The following KPNA3 variants were observed in gnomAD, a reference collection of about 807,000 sequenced individuals.
KPNA3 encodes the protein karyopherin subunit alpha 3.
KPNA3 carries 13 observed loss-of-function variants against 73.8 expected under a neutral mutation model. The observed-to-expected ratio is 0.18, with a 90% CI of 0.11 to 0.28. KPNA3 has a LOEUF of 0.28. Ranked by LOEUF, KPNA3 falls within the 10% of genes least tolerant of loss-of-function variation. The pLI is 1.00. For missense variants in KPNA3, 360 were observed against 618.1 expected, an observed-to-expected ratio of 0.58 and a Z score of 4.43; for synonymous variants, 186 against 206.9, an observed-to-expected ratio of 0.90 and a Z score of 0.87.
At chr13:49,788,669 CCGAGA>C (rs1471363148) in intron 1 of KPNA3, among the ~76,000 whole-genome samples, 3 of 150,110 alleles carry the variant, frequency 2.0e-5, no homozygotes, top group African/African-American at 7.4e-5. Flanking sequence ...TTATAGTGAG[CCGAGA>C]TTGGGCCACT....
intron 1 of KPNA3, among the ~76,000 whole-genome samples, chr13:49,768,939 A>C (rs1954831658): frequency 6.6e-6 from 1 of 152,132 alleles, no homozygotes; most frequent in South Asian, 2.1e-4. Context: ...ATTTCATGCA[A>C]ATAAGGTTGT....
intron 1 of KPNA3, among the ~76,000 whole-genome samples, chr13:49,756,114 CA>C (rs951977116): frequency 3.9e-4 from 59 of 151,202 alleles, no homozygotes; most frequent in African/African-American, 1.3e-3. Flanking sequence ...CAAAAAAAAG[CA>C]AAAAAAAATT....
intron 2 of KPNA3, among the ~76,000 whole-genome samples, chr13:49,736,380 G>C (rs1286530749): frequency 4.6e-5 from 7 of 152,076 alleles, no homozygotes; most frequent in Admixed American, 1.3e-4. Context: ...TAACACTACT[G>C]GTTCATGAAT....
At chr13:49,760,667 C>T (rs1954751469) in intron 1 of KPNA3, among the ~76,000 whole-genome samples, 1 of 152,152 alleles carries the variant, frequency 6.6e-6, no homozygotes, top group Admixed American at 6.5e-5. Context: ...CTCAGTGGTT[C>T]AGACAGCACT....
At chr13:49,783,253 G>C (rs1184862411) in intron 1 of KPNA3, among the ~76,000 whole-genome samples, 1 of 151,788 alleles carries the variant, frequency 6.6e-6, no homozygotes, top group African/African-American at 2.4e-5. Flanking sequence ...AGAAAACCAA[G>C]AATGATTAAT....
At chr13:49,755,898 A>C (rs1445955849) in intron 1 of KPNA3, among the ~76,000 whole-genome samples, 2 of 152,250 alleles carry the variant, frequency 1.3e-5, no homozygotes. Context: ...TGAGTTCAAC[A>C]ATGTCACAGA....
intron 2 of KPNA3, among the ~76,000 whole-genome samples, chr13:49,740,655 CTT>C (rs1954565503): frequency 2.0e-5 from 3 of 152,160 alleles, no homozygotes; most frequent in Non-Finnish European, 4.4e-5. Flanking sequence ...CAATAAACCT[CTT>C]TCTTTTGTAA....
chr13:49,792,488 A>T lies in KPNA3; in HGVS notation c.19T>A (p.Leu7Met). The change falls in exon 1 of 17, where the codon TTG (leucine) becomes ATG (methionine). Residue 7 changes from leucine (L) to methionine (M), a missense_variant. Transcript: ENST00000261667. The stretch of plus-strand genomic sequence containing the variant: ...AAGCTCTTGATGCGGTGGTTCTCCA[A>T]GCTGGGGTTCTCGGCCATGGCTGCG... Reference protein sequence around the residue: MAENPSLENHRIKSFKN... With the variant: MAENPSMENHRIKSFKN... 1 of 1,577,022 alleles carries T rather than the reference A, an allele frequency of 6.3e-7. No individual in the cohort carries two copies. The highest frequency in any genetic ancestry group is 1.8e-5 in the Admixed American group (1 of 56,738).
chr13:49,758,009 A>T (rs1954726090), intron 1 of KPNA3, among the ~76,000 whole-genome samples: 1 of 152,174 alleles, frequency 6.6e-6, no homozygotes, highest in Non-Finnish European at 1.5e-5. Flanking sequence ...GTTTTTAATA[A>T]AAATTTTAAA....
chr13:49,791,951 G>A (rs1432462032), intron 1 of KPNA3, among the ~76,000 whole-genome samples: 1 of 152,216 alleles, frequency 6.6e-6, no homozygotes, highest in African/African-American at 2.4e-5. Flanking sequence ...GCCTGGGCCC[G>A]GCTCGCAGAA....
intron 10 of KPNA3, among the ~76,000 whole-genome samples, chr13:49,714,754 CATT>C (rs1038705584): frequency 2.6e-5 from 4 of 151,882 alleles, no homozygotes; most frequent in Non-Finnish European, 5.9e-5. Flanking sequence ...ATTATAGCAC[CATT>C]AACTAATGGT....
chr13:49,717,007 T>C (rs996646667), intron 10 of KPNA3, among the ~76,000 whole-genome samples: 1 of 152,110 alleles, frequency 6.6e-6, no homozygotes, highest in African/African-American at 2.4e-5. Context: ...ACTCAAAGTT[T>C]TTTCTCCCTT....
At chr13:49,732,699 A>G (rs1251256222) in intron 4 of KPNA3, 42 bp from the exon 5 acceptor site, 1 of 1,455,332 alleles carries the variant, frequency 6.9e-7, no homozygotes, top group African/African-American at 1.4e-5. Flanking sequence ...AAAAAAAAAA[A>G]TCAATTTCAA....
intron 10 of KPNA3, 94 bp from the exon 11 acceptor site, chr13:49,711,116 C>A: frequency 3.2e-6 from 4 of 1,242,688 alleles, no homozygotes; most frequent in South Asian, 1.6e-5. Flanking sequence ...AAAAAGTAAC[C>A]AAATTTCAAG....
chr13:49,760,302 C>T (rs1399817287), intron 1 of KPNA3, among the ~76,000 whole-genome samples: 1 of 151,624 alleles, frequency 6.6e-6, no homozygotes, highest in Non-Finnish European at 1.5e-5. Context: ...GTGATTCCAA[C>T]TACCCAGGAG....
At chr13:49,729,052 A>G (rs1954437486) in intron 6 of KPNA3, among the ~76,000 whole-genome samples, 1 of 152,230 alleles carries the variant, frequency 6.6e-6, no homozygotes, top group African/African-American at 2.4e-5. Flanking sequence ...AGGGATAGAC[A>G]ATGGCTGGTA....
In KPNA3 at chr13:49,732,902, C is replaced by T; in HGVS notation, c.204+55G>A. The T allele has an allele frequency of 6.5e-6, 9 of 1,385,980 alleles. No homozygotes were observed. In the South Asian group the frequency reaches 1.1e-4, roughly 17 times the overall value. The allele number at this position is 1,385,980 out of a possible 1,614,324, so 85.9% of individuals were successfully genotyped here. A position where few individuals can be genotyped will look rare whatever the true frequency, so the allele number is the denominator to read the frequency against. ...TTGGTCTTATATTAAAAATGAAGTT[C>T]TCACAGTTACTATAAAAATTATTTT... On this transcript the variant is annotated intron_variant, in intron 3 of 16. Transcript: ENST00000261667.
At chr13:49,745,976 T>A (rs1594447627) in intron 2 of KPNA3, among the ~76,000 whole-genome samples, 1 of 139,208 alleles carries the variant, frequency 7.2e-6, no homozygotes, top group Admixed American at 8.1e-5. Flanking sequence ...GGCAGAAGAA[T>A]GGCATGAACC....
chr13:49,705,902 G>C, intron 14 of KPNA3, 119 bp from the exon 15 acceptor site: 1 of 1,037,950 alleles, frequency 9.6e-7, no homozygotes, highest in Non-Finnish European at 1.4e-6. Flanking sequence ...GTTGGAGGCT[G>C]TAGTGCGTTA....
Sources: allele counts gnomAD v4.1 joint callset (sites outside exome capture counted in the v4.1 genomes callset), GRCh38; gene constraint gnomAD v4.1.1; transcripts MANE v1.5; gene names NCBI Gene and HGNC (gene_info 2026-07-23, HGNC 2026-07-21).